The following KCNC1 variants were observed in gnomAD, a reference collection of about 807,000 sequenced individuals.
KCNC1 encodes voltage-gated potassium channel KCNC1.
KCNC1 carries 8 observed loss-of-function variants against 43.4 expected under a neutral mutation model. The ratio of observed to expected loss-of-function variants is 0.18; its 90% confidence interval spans 0.11 to 0.33. The LOEUF is 0.33. Among genes scored for constraint, KCNC1 ranks in the 10% least tolerant of loss-of-function variants. The pLI, the probability that KCNC1 is intolerant of heterozygous loss-of-function variation, is 1.00. For synonymous variants in KCNC1, 361 were observed against 360.5 expected, an observed-to-expected ratio of 1.00 and a Z score of -0.01; for missense variants, 420 against 836.0, an observed-to-expected ratio of 0.50 and a Z score of 6.14.
chr11:17,759,496 T>C (rs1849054120), intron 1 of KCNC1, among the ~76,000 whole-genome samples: 1 of 152,236 alleles, frequency 6.6e-6, no homozygotes, highest in Non-Finnish European at 1.5e-5. Flanking sequence ...GCTTTTGGCC[T>C]ATCTCAGCTT....
intron 1 of KCNC1, among the ~76,000 whole-genome samples, chr11:17,741,109 G>A (rs1347649015): frequency 5.3e-5 from 8 of 151,994 alleles, no homozygotes; most frequent in Admixed American, 5.2e-4. Context: ...AAGGGGCTGG[G>A]TATGTTCACC....
At chr11:17,759,971 G>A (rs943972695) in intron 1 of KCNC1, among the ~76,000 whole-genome samples, 5 of 152,134 alleles carry the variant, frequency 3.3e-5, no homozygotes, top group Admixed American at 6.5e-5. Context: ...AAAGCAAAAC[G>A]CAGTCGAACG....
At chr11:17,774,216 A>G (rs578041858) in intron 2 of KCNC1, 2 of 985,308 alleles carry the variant, frequency 2.0e-6, no homozygotes, top group African/African-American at 3.5e-5. Context: ...TCTGCTTTGG[A>G]TTAGCTAGTT....
chr11:17,753,920 C>A (rs1048863314), intron 1 of KCNC1, among the ~76,000 whole-genome samples: 1 of 152,206 alleles, frequency 6.6e-6, no homozygotes, highest in Admixed American at 6.5e-5. Context: ...GTAGACAGGA[C>A]TCAGGCTGTT....
chr11:17,746,872 C>T (rs757619681), intron 1 of KCNC1, among the ~76,000 whole-genome samples: 1 of 152,166 alleles, frequency 6.6e-6, no homozygotes, highest in African/African-American at 2.4e-5. Context: ...GATAAGTCTC[C>T]TAACCTGTCT....
At chr11:17,738,933 GT>G (rs1235440102) in intron 1 of KCNC1, among the ~76,000 whole-genome samples, 1 of 152,208 alleles carries the variant, frequency 6.6e-6, no homozygotes, top group Admixed American at 6.5e-5. Context: ...TCGGGGAACA[GT>G]TGAGGACACT....
chr11:17,751,237 A>G (rs1176194195), intron 1 of KCNC1, among the ~76,000 whole-genome samples: 1 of 151,996 alleles, frequency 6.6e-6, no homozygotes, highest in African/African-American at 2.4e-5. Context: ...CTGTGGTTCT[A>G]TGGTTAAAAA....
Position 17,779,252 on chromosome 11 carries a change from G to C in KCNC1, c.1505-204G>C. 1.9e-6 allele frequency: 1 copy of C among 529,016 alleles called. No individual in the cohort carries two copies. Among genetic ancestry groups the C allele is most frequent in the South Asian group, 2.9e-5 (1 of 34,240 alleles). The allele number at this position is 529,016 out of a possible 1,614,324, so 32.8% of individuals were successfully genotyped here. Reference sequence around the variant, plus strand: ...AGGAGTCCCCACTCCCAGCACTGTGGGCAGCCCGAAGGCTGCCTGAATGAG... The same window carrying C: ...AGGAGTCCCCACTCCCAGCACTGTGCGCAGCCCGAAGGCTGCCTGAATGAG... On this transcript the variant is annotated intron_variant, in intron 2 of 3. Transcript: ENST00000265969. This position sits in a 1 kb window ranked among gnomAD's most constrained non-coding sequence, Gnocchi z 7.2.
chr11:17,750,893 G>A (rs1020213989), intron 1 of KCNC1, among the ~76,000 whole-genome samples: 12 of 152,290 alleles, frequency 7.9e-5, no homozygotes, highest in African/African-American at 2.4e-4. Flanking sequence ...TCTGACTTGA[G>A]GCCTTTGATC....
chr11:17,734,808 G>T lies in KCNC1; in HGVS notation c.-1195G>T. On this transcript the variant is annotated 5_prime_UTR_variant, in exon 1 of 4. Transcript: ENST00000265969. Reference sequence around the variant, plus strand: ...CCGCGCGAACGAGCAGGCGACGGGCGAGCAGCAAGCGGAGCAGCAGCCCGG... The same window carrying T: ...CCGCGCGAACGAGCAGGCGACGGGCTAGCAGCAAGCGGAGCAGCAGCCCGG... The T allele has an allele frequency of 6.6e-6, 1 of 151,478 alleles. No homozygotes were observed. The highest frequency in any genetic ancestry group is 1.9e-4 in the South Asian group (1 of 5,172). 9.4% of individuals were successfully genotyped at this position (151,478 alleles called of 1,614,324 possible). A position where few individuals can be genotyped will look rare whatever the true frequency, so the allele number is the denominator to read the frequency against.
At chr11:17,770,611 A>G (rs1358098710) in intron 1 of KCNC1, among the ~76,000 whole-genome samples, 1 of 152,110 alleles carries the variant, frequency 6.6e-6, no homozygotes, top group African/African-American at 2.4e-5. Context: ...AGAGAAGCCT[A>G]GGGGGTCATT....
At position 17,736,089 on chromosome 11, in the gene KCNC1, G is replaced by T; in HGVS notation, c.87G>T (p.Leu29=). 1 of 1,607,428 alleles carries T rather than the reference G, an allele frequency of 6.2e-7. No homozygotes were observed. The highest frequency in any genetic ancestry group is 8.5e-7 in the Non-Finnish European group (1 of 1,177,096). Reference sequence around the variant, plus strand: ...CGTACCGCTCGACCCTGCGCACGCTGCCCGGCACGCGGCTCGCCTGGCTGG... The same window carrying T: ...CGTACCGCTCGACCCTGCGCACGCTTCCCGGCACGCGGCTCGCCTGGCTGG... ...HQTYRSTLRT[L]PGTRLAWLAE... The change falls in exon 1 of 4, where the codon CTG becomes CTT. Residue 29 remains leucine (L), a synonymous_variant. Transcript: ENST00000265969. The surrounding 1 kb of genome is among the most constrained non-coding windows in gnomAD (Gnocchi z 9.3).
rs970518096 is a variant in KCNC1, at chr11:17,742,626, C to A, written c.570+6054C>A. 9.2e-5 allele frequency among the ~76,000 whole-genome samples: 14 copies of A among 152,176 alleles called. No individual in the cohort carries two copies. Among genetic ancestry groups the A allele is most frequent in the Non-Finnish European group, 1.6e-4 (11 of 68,028 alleles). On this transcript the variant is annotated intron_variant, in intron 1 of 3. Transcript: ENST00000265969. The surrounding 1 kb of genome is among the most constrained non-coding windows in gnomAD (Gnocchi z 4.2). Reference sequence around the variant, plus strand: ...GCTCTTCAGTCCTTATTCAGGGGAACCATTTAGGTGGTAGGGACCACTTCA... The same window carrying A: ...GCTCTTCAGTCCTTATTCAGGGGAAACATTTAGGTGGTAGGGACCACTTCA...
chr11:17,755,554 C>T (rs73424005), intron 1 of KCNC1, among the ~76,000 whole-genome samples: 8,505 of 151,832 alleles, frequency 0.056, 688 homozygotes, highest in African/African-American at 0.18. Context: ...AGCAGAGCCA[C>T]GAGGATTTCC....
intron 1 of KCNC1, among the ~76,000 whole-genome samples, chr11:17,745,453 C>T (rs565757457): frequency 6.6e-6 from 1 of 152,212 alleles, no homozygotes; most frequent in Admixed American, 6.5e-5. Flanking sequence ...GCTACCCCCC[C>T]GTGGAAGCCC....
At position 17,773,803 on chromosome 11, in the gene KCNC1, G is replaced by C; in HGVS notation, c.1504+1205G>C. The stretch of plus-strand genomic sequence containing the variant: ...AGGAACAGATGACCCAGAGAAGAAT[G>C]ACAGCACTGAGTAAGAAGGAGTGCC... On this transcript the variant is annotated intron_variant, in intron 2 of 3. Coordinates refer to ENST00000265969, the MANE Select transcript of KCNC1 (RefSeq NM_001112741.2). The surrounding 1 kb of genome is among the most constrained non-coding windows in gnomAD (Gnocchi z 4.1). 1 of 985,572 alleles carries C rather than the reference G, an allele frequency of 1.0e-6. No individual in the cohort carries two copies. Among genetic ancestry groups the C allele is most frequent in the Non-Finnish European group, 1.2e-6 (1 of 830,004 alleles). 61.1% of individuals were successfully genotyped at this position (985,572 alleles called of 1,614,324 possible). A position where few individuals can be genotyped will look rare whatever the true frequency, so the allele number is the denominator to read the frequency against.
At position 17,776,103 on chromosome 11, in the gene KCNC1, G is replaced by C; in HGVS notation, c.1505-3353G>C. The C allele has an allele frequency of 1.0e-6, 1 of 985,498 alleles. No individual in the cohort carries two copies. The highest frequency in any genetic ancestry group is 1.2e-6 in the Non-Finnish European group (1 of 829,990). The allele number at this position is 985,498 out of a possible 1,614,324, so 61.0% of individuals were successfully genotyped here. On this transcript the variant is annotated intron_variant, in intron 2 of 3. Transcript: ENST00000265969. This position sits in a 1 kb window ranked among gnomAD's most constrained non-coding sequence, Gnocchi z 4.4. Reference sequence around the variant, plus strand: ...CTGAGTGGGGTCTTTGTTGTCCTCAGGTGGGCTGTGGGGGAAGTAGCGGAG... The same window carrying C: ...CTGAGTGGGGTCTTTGTTGTCCTCACGTGGGCTGTGGGGGAAGTAGCGGAG...
chr11:17,763,110 T>G (rs1849097067), intron 1 of KCNC1, among the ~76,000 whole-genome samples: 1 of 152,036 alleles, frequency 6.6e-6, no homozygotes, highest in Non-Finnish European at 1.5e-5. Flanking sequence ...AGGTGTAGGG[T>G]CCAGAGAATG....
chr11:17,755,995 G>C (rs1419165979), intron 1 of KCNC1, among the ~76,000 whole-genome samples: 1 of 152,188 alleles, frequency 6.6e-6, no homozygotes, highest in African/African-American at 2.4e-5. Context: ...AGCCAGAGAG[G>C]TAGGAAGAAA....
Sources: gnomAD v4.1 joint callset for allele counts (sites outside exome capture counted in the v4.1 genomes callset) on GRCh38, gnomAD v4.1.1 for gene constraint, Gnocchi (gnomAD v3.1) non-coding constraint, MANE v1.5 for transcripts, NCBI Gene and HGNC (gene_info 2026-07-23, HGNC 2026-07-21) for gene names.